The following KDM4C variants were observed in gnomAD, a reference collection of about 807,000 sequenced individuals.
KDM4C encodes lysine demethylase 4C.
KDM4C carries 81 observed loss-of-function variants against 129.3 expected under a neutral mutation model. The observed-to-expected ratio is 0.63, with a 90% CI of 0.52 to 0.75. KDM4C has a LOEUF of 0.75. Among genes scored for constraint, KDM4C ranks in the 30% least tolerant of loss-of-function variants. KDM4C has a pLI of 0.00. For missense variants in KDM4C, 1,457 were observed against 1,304.0 expected (o/e 1.12, Z -1.81); for synonymous variants, 573 against 456.1 (o/e 1.26, Z -3.26).
At chr9:7,060,047 A>G (rs1831400181) in intron 17 of KDM4C, among the ~76,000 whole-genome samples, 2 of 152,110 alleles carry the variant, frequency 1.3e-5, no homozygotes, top group Admixed American at 1.3e-4. Flanking sequence ...ATAATATAGT[A>G]TCCTTTCTTC....
At chr9:7,036,302 T>C (rs552226070) in intron 15 of KDM4C, among the ~76,000 whole-genome samples, 2 of 152,356 alleles carry the variant, frequency 1.3e-5, no homozygotes, top group East Asian at 3.9e-4. Flanking sequence ...TGGGTTTTTA[T>C]TTGAAAACCA....
rs1265182293 is a variant in KDM4C, at chr9:7,174,703, CAGA to C, written c.3151_3153del (p.Lys1051del). On this transcript the variant is annotated inframe_deletion, in exon 22 of 22. Coordinates refer to ENST00000381309, the MANE Select transcript of KDM4C (RefSeq NM_015061.6). ...CCGCACTTTTTTGAAGAGCTCTTTC[CAGA>C]AGAAGTGCCAGAAGAGACAGTAGTC... is the stretch of plus-strand genomic sequence containing the variant. 1.9e-6 allele frequency: 3 copies of C among 1,614,072 alleles called. No homozygotes were observed. Among genetic ancestry groups the C allele is most frequent in the East Asian group, 2.2e-5 (1 of 44,886 alleles).
rs1008530095 is a variant in KDM4C at position 6,757,992 on chromosome 9, C to G, written c.-229C>G. The G allele has an allele frequency of 4.1e-6, 4 of 985,258 alleles. No homozygotes were observed. The African/African-American group carries it at 5.2e-5, about 13-fold the overall frequency. 61.0% of individuals were successfully genotyped at this position (985,258 alleles called of 1,614,324 possible). On this transcript the variant is annotated 5_prime_UTR_variant, in exon 1 of 22. Transcript: ENST00000381309. ...GCAGGGAGAGCCGGCGGTGCGCGCG[C>G]CTTCGCCGCTGCCTCCCACCCACCC... is the stretch of plus-strand genomic sequence containing the variant.
chr9:6,876,194 G>A (rs1281691494), intron 5 of KDM4C, among the ~76,000 whole-genome samples: 1 of 152,148 alleles, frequency 6.6e-6, no homozygotes, highest in Non-Finnish European at 1.5e-5. Flanking sequence ...ACTGGATGTG[G>A]GGGGCAGCAA....
At chr9:6,919,906 C>A (rs1483680502) in intron 8 of KDM4C, among the ~76,000 whole-genome samples, 1 of 152,030 alleles carries the variant, frequency 6.6e-6, no homozygotes, top group Non-Finnish European at 1.5e-5. Flanking sequence ...CTTTAAATAC[C>A]ATAGCCTTTT....
chr9:6,988,821 G>T (rs1265717924), intron 11 of KDM4C, among the ~76,000 whole-genome samples: 1 of 151,088 alleles, frequency 6.6e-6, no homozygotes, highest in African/African-American at 2.4e-5. Context: ...TGCACTCAAA[G>T]TTCCCCTCAA....
intron 8 of KDM4C, among the ~76,000 whole-genome samples, chr9:6,919,762 A>G (rs1031937851): frequency 6.6e-6 from 1 of 151,924 alleles, no homozygotes; most frequent in Non-Finnish European, 1.5e-5. Context: ...TTTAGTAGAG[A>G]TGGGGTTTAA....
At chr9:7,009,786 C>T (rs1822352633) in intron 12 of KDM4C, among the ~76,000 whole-genome samples, 1 of 152,154 alleles carries the variant, frequency 6.6e-6, no homozygotes, top group Admixed American at 6.5e-5. Flanking sequence ...CTTTCAATTC[C>T]ACTTGACTCC....
intron 17 of KDM4C, among the ~76,000 whole-genome samples, chr9:7,087,771 T>C (rs1163291116): frequency 1.3e-5 from 2 of 152,208 alleles, no homozygotes; most frequent in African/African-American, 4.8e-5. Flanking sequence ...ATGACAATGG[T>C]ATTTAGAGAT....
chr9:6,868,313 A>C (rs1011031703), intron 5 of KDM4C, among the ~76,000 whole-genome samples: 9 of 152,172 alleles, frequency 5.9e-5, no homozygotes, highest in African/African-American at 2.2e-4. Flanking sequence ...AAACTTGAGG[A>C]AAATATCCTC....
At chr9:7,156,936 C>A (rs1332572719) in intron 19 of KDM4C, among the ~76,000 whole-genome samples, 3 of 152,268 alleles carry the variant, frequency 2.0e-5, no homozygotes, top group East Asian at 3.9e-4. Context: ...CTATAAATTA[C>A]CTTGGGCAGT....
At chr9:6,787,535 A>G (rs549143404) in intron 1 of KDM4C, among the ~76,000 whole-genome samples, 1 of 152,356 alleles carries the variant, frequency 6.6e-6, no homozygotes, top group Admixed American at 6.5e-5. Flanking sequence ...GCCCAGGCCC[A>G]GAGCCATTCT....
chr9:7,029,283 TC>T (rs71308869), intron 15 of KDM4C, among the ~76,000 whole-genome samples: 2 of 122,374 alleles, frequency 1.6e-5, no homozygotes, highest in Non-Finnish European at 3.3e-5. Flanking sequence ...TTTCTGGGTT[TC>T]CCCCCACCGT....
chr9:6,942,958 T>C (rs959767842), intron 8 of KDM4C, among the ~76,000 whole-genome samples: 5 of 152,102 alleles, frequency 3.3e-5, no homozygotes, highest in African/African-American at 1.2e-4. Context: ...CCCAACCTCC[T>C]GGTTTCAAAT....
chr9:7,123,854 GT>G (rs1327217945), intron 18 of KDM4C, among the ~76,000 whole-genome samples: 6 of 152,168 alleles, frequency 3.9e-5, no homozygotes, highest in African/African-American at 1.4e-4. Context: ...TGCCTGGATT[GT>G]TTTCCTGGCA....
rs542949422 is a variant in KDM4C at position 6,870,296 on chromosome 9, G to A, written c.630-9716G>A. Among the ~76,000 whole-genome samples the A allele has an allele frequency of 6.6e-5, 10 of 152,048 alleles. 1 individual carries two copies. In the South Asian group the frequency reaches 1.5e-3, roughly 22 times the overall value. ...GGGTTTTTCCCTTGGAGGACAGATGGGCCCTGTCACTTCTTTCCTTTTGAC... is the reference window on the plus strand; with the variant it reads ...GGGTTTTTCCCTTGGAGGACAGATGAGCCCTGTCACTTCTTTCCTTTTGAC... On this transcript the variant is annotated intron_variant, in intron 5 of 21. Coordinates refer to ENST00000381309, the MANE Select transcript of KDM4C (RefSeq NM_015061.6).
chr9:6,814,248 T>G (rs535931977), intron 3 of KDM4C, among the ~76,000 whole-genome samples: 10 of 152,280 alleles, frequency 6.6e-5, no homozygotes, highest in African/African-American at 2.4e-4. Context: ...TTAGTGAGAT[T>G]ATTGTTTGTC....
chr9:6,940,354 C>T (rs1825722969), intron 8 of KDM4C, among the ~76,000 whole-genome samples: 1 of 152,112 alleles, frequency 6.6e-6, no homozygotes, highest in Admixed American at 6.6e-5. Context: ...ACAATCATTC[C>T]TGACTTTCAT....
intron 8 of KDM4C, among the ~76,000 whole-genome samples, chr9:6,944,892 G>A (rs1028402965): frequency 6.6e-5 from 10 of 152,144 alleles, no homozygotes; most frequent in African/African-American, 2.2e-4. Context: ...AGCTAAAAGT[G>A]TAATTAGCAA....
Sources: gnomAD v4.1 joint callset for allele counts (sites outside exome capture counted in the v4.1 genomes callset) on GRCh38, gnomAD v4.1.1 for gene constraint, MANE v1.5 for transcripts, NCBI Gene and HGNC (gene_info 2026-07-23, HGNC 2026-07-21) for gene names.